The following PDE4D variants were observed in gnomAD, a reference collection of about 807,000 sequenced individuals.
PDE4D encodes 3',5'-cyclic-AMP phosphodiesterase 4D.
Under a neutral mutation model 87.4 loss-of-function variants are expected in PDE4D, and 24 were observed. That is an observed-to-expected ratio of 0.27 (90% CI 0.20 to 0.39). The LOEUF is 0.39. Ranked by LOEUF, PDE4D falls within the 10% of genes least tolerant of loss-of-function variation. PDE4D has a pLI of 1.00. For synonymous variants in PDE4D, 384 were observed against 383.2 expected (o/e 1.00, Z -0.02); for missense variants, 714 against 1,041.0 (o/e 0.69, Z 4.32).
At chr5:60,497,666 A>C (rs1749878440) in intron 1 of PDE4D, among the ~76,000 whole-genome samples, 2 of 152,130 alleles carry the variant, frequency 1.3e-5, no homozygotes, top group African/African-American at 4.8e-5. Flanking sequence ...GGCCTCCCAA[A>C]GTATTTAGAT....
intron 3 of PDE4D, among the ~76,000 whole-genome samples, chr5:59,189,253 G>GTTTTTTTTTTTTTTT (rs5868167): frequency 8.3e-6 from 1 of 120,848 alleles, no homozygotes; most frequent in Non-Finnish European, 1.6e-5. Flanking sequence ...TGTTTTTTTT[G>GTTTTTTTTTTTTTTT]TTTTTTTTTT....
intron 1 of PDE4D, among the ~76,000 whole-genome samples, chr5:59,342,214 C>T (rs964129319): frequency 6.6e-5 from 10 of 152,290 alleles, no homozygotes; most frequent in South Asian, 2.1e-4. Context: ...AAGGTCTTAA[C>T]GGAAAGGAAC....
At chr5:59,587,324 TTTC>T (rs1449533107) in intron 1 of PDE4D, 8 of 515,956 alleles carry the variant, frequency 1.6e-5, no homozygotes, top group South Asian at 8.2e-5. Flanking sequence ...CCCCGATGTC[TTTC>T]TTTTCTTTTT....
chr5:60,331,284 A>T (rs1757286216), intron 1 of PDE4D, among the ~76,000 whole-genome samples: 1 of 152,150 alleles, frequency 6.6e-6, no homozygotes, highest in African/African-American at 2.4e-5. Flanking sequence ...TCCCTGTCCC[A>T]TAATGTGACA....
chr5:59,872,738 T>G (rs1748007536), intron 1 of PDE4D, among the ~76,000 whole-genome samples: 1 of 152,118 alleles, frequency 6.6e-6, no homozygotes, highest in Non-Finnish European at 1.5e-5. Context: ...AGTTAACATC[T>G]ACCTAGAAGC....
At chr5:59,204,200 A>C (rs1748215042) in intron 2 of PDE4D, among the ~76,000 whole-genome samples, 1 of 152,202 alleles carries the variant, frequency 6.6e-6, no homozygotes, top group Non-Finnish European at 1.5e-5. Flanking sequence ...GACCAAAAAA[A>C]AAAAAAAAAT....
At chr5:59,221,510 T>C (rs1469176881) in intron 1 of PDE4D, among the ~76,000 whole-genome samples, 1 of 152,112 alleles carries the variant, frequency 6.6e-6, no homozygotes, top group African/African-American at 2.4e-5. Flanking sequence ...TGCTTATCTG[T>C]AGTCCCAGCT....
At chr5:59,591,562 TTGA>T (rs1825925684) in intron 1 of PDE4D, among the ~76,000 whole-genome samples, 1 of 144,338 alleles carries the variant, frequency 6.9e-6, no homozygotes, top group Admixed American at 6.7e-5. Context: ...CTTAAATAAC[TTGA>T]TGAAATAAAA....
intron 5 of PDE4D, among the ~76,000 whole-genome samples, chr5:59,101,846 C>T (rs572714365): frequency 7.9e-5 from 12 of 151,952 alleles, no homozygotes; most frequent in East Asian, 3.9e-4. Context: ...TTCAATTAGA[C>T]GACAAAGTCA....
intron 1 of PDE4D, among the ~76,000 whole-genome samples, chr5:59,591,546 T>C (rs1227218254): frequency 1.3e-5 from 2 of 151,862 alleles, no homozygotes; most frequent in Non-Finnish European, 2.9e-5. Context: ...ATGTCAATGT[T>C]TGCCTCTTAA....
intron 2 of PDE4D, among the ~76,000 whole-genome samples, chr5:60,101,799 G>C (rs1280724921): frequency 6.6e-6 from 1 of 152,096 alleles, no homozygotes; most frequent in African/African-American, 2.4e-5. Context: ...AGAAGATGAG[G>C]TTGTGAATTT....
intron 1 of PDE4D, among the ~76,000 whole-genome samples, chr5:59,662,331 C>T (rs1436566140): frequency 6.6e-6 from 1 of 152,182 alleles, no homozygotes; most frequent in Non-Finnish European, 1.5e-5. Flanking sequence ...TCAATGGTCA[C>T]AATTCAGGAG....
intron 2 of PDE4D, among the ~76,000 whole-genome samples, chr5:60,036,163 T>C (rs1767778855): frequency 1.3e-5 from 2 of 152,214 alleles, no homozygotes; most frequent in South Asian, 4.1e-4. Flanking sequence ...TGATAGATTT[T>C]ACTGTTGGTT....
chr5:59,470,861 T>G (rs575410911), intron 1 of PDE4D, among the ~76,000 whole-genome samples: 46 of 152,278 alleles, frequency 3.0e-4, no homozygotes, highest in Middle Eastern at 3.4e-3. Flanking sequence ...CACTATTAAA[T>G]GAAATATAAC....
chr5:60,053,585 A>G (rs1016881102), intron 2 of PDE4D, among the ~76,000 whole-genome samples: 5 of 152,196 alleles, frequency 3.3e-5, no homozygotes, highest in Non-Finnish European at 5.9e-5. Context: ...AACCATAAAA[A>G]CCCTAGAAGA....
chr5:60,233,459 A>G (rs1746047819), intron 1 of PDE4D, among the ~76,000 whole-genome samples: 1 of 151,830 alleles, frequency 6.6e-6, no homozygotes, highest in Non-Finnish European at 1.5e-5. Flanking sequence ...ATTTCAAAAA[A>G]TATTTTTAAA....
intron 1 of PDE4D, among the ~76,000 whole-genome samples, chr5:59,501,495 G>A (rs1808277475): frequency 6.6e-6 from 1 of 152,160 alleles, no homozygotes; most frequent in Non-Finnish European, 1.5e-5. Flanking sequence ...ATCAGCATAT[G>A]AGAGCACAGA....
chr5:59,137,221 C>T (rs527528486), intron 5 of PDE4D, among the ~76,000 whole-genome samples: 4 of 152,226 alleles, frequency 2.6e-5, no homozygotes, highest in South Asian at 2.1e-4. Context: ...AAGATTTCTA[C>T]GTTTGCGTTA....
intron 1 of PDE4D, among the ~76,000 whole-genome samples, chr5:59,673,894 A>G (rs1747635401): frequency 6.6e-6 from 1 of 152,176 alleles, no homozygotes; most frequent in South Asian, 2.1e-4. Context: ...TGGTTTAGTC[A>G]TGTAGTTTCC....
Sources: allele counts gnomAD v4.1 joint callset (sites outside exome capture counted in the v4.1 genomes callset), GRCh38; gene constraint gnomAD v4.1.1; transcripts MANE v1.5; gene names NCBI Gene and HGNC (gene_info 2026-07-23, HGNC 2026-07-21).